Variants in HKDC1 observed in about 807,000 individuals in gnomAD.
HKDC1 encodes hexokinase HKDC1.
In HKDC1, 66 loss-of-function variants were observed where a neutral mutation model predicts 96.6. The observed-to-expected ratio is 0.68, with a 90% CI of 0.56 to 0.84. The LOEUF is 0.84. Ranked by LOEUF, HKDC1 falls within the 40% of genes least tolerant of loss-of-function variation. The probability of loss-of-function intolerance (pLI) is 0.00; values close to 1 mark genes in which losing one functional copy is unlikely to be tolerated. For missense variants in HKDC1, 1,211 were observed against 1,208.1 expected (o/e 1.00, Z -0.04); for synonymous variants, 466 against 473.1 (o/e 0.98, Z 0.20).
chr10:69,248,325 C>A (rs865838107), intron 9 of HKDC1, 99 bp from the exon 10 acceptor site: 126 of 1,286,348 alleles, frequency 9.8e-5, no homozygotes, highest in Non-Finnish European at 1.5e-5. Context: ...AGCCCCGCCC[C>A]GCAGGGCCCT....
At chr10:69,228,183 G>T (rs937740586) in intron 2 of HKDC1, among the ~76,000 whole-genome samples, 1 of 152,068 alleles carries the variant, frequency 6.6e-6, no homozygotes, top group Non-Finnish European at 1.5e-5. Flanking sequence ...TTCCAGTTTC[G>T]AGAGGCCACC....
chr10:69,226,502 A>G (rs879647451), intron 1 of HKDC1, among the ~76,000 whole-genome samples: 3 of 152,068 alleles, frequency 2.0e-5, no homozygotes, highest in Non-Finnish European at 4.4e-5. Flanking sequence ...AAAATAAAAA[A>G]AAATTAGTCG....
At position 69,237,277 on chromosome 10, in the gene HKDC1, TTGTGTGTG is replaced by T. The variant is rs71035080; in HGVS notation, c.496-1731_496-1724del. Among the ~76,000 whole-genome samples, 1,409 of 145,682 alleles carry T rather than the reference TTGTGTGTG, an allele frequency of 9.7e-3. 15 individuals are homozygous for T. The highest frequency in any genetic ancestry group is 0.017 in the African/African-American group (699 of 39,964). On this transcript the variant is annotated intron_variant, in intron 4 of 17. Transcript: ENST00000354624. ...AAGTCTTAACCAAAGAGAAATTTCT[TTGTGTGTG>T]TGTGTGTGTGTGTGTGTGTGTGTGT...
chr10:69,263,902 T>C (rs978577645), intron 16 of HKDC1, among the ~76,000 whole-genome samples: 1 of 152,208 alleles, frequency 6.6e-6, no homozygotes, highest in African/African-American at 2.4e-5. Context: ...AAGCTACGTG[T>C]GGTGGCTCAT....
chr10:69,240,509 C>A (rs1170221256), intron 5 of HKDC1, 143 bp from the exon 6 acceptor site: 2 of 618,432 alleles, frequency 3.2e-6, no homozygotes, highest in African/African-American at 1.8e-5. Context: ...CTTGATGAGG[C>A]CTTGCTCCTT....
intron 13 of HKDC1, 83 bp downstream of exon 13, chr10:69,257,214 A>G (rs1843732185): frequency 2.1e-6 from 3 of 1,463,012 alleles, no homozygotes; most frequent in South Asian, 1.1e-5. Context: ...CCCAGTTCCT[A>G]TGACTCTGGC....
At chr10:69,261,685 G>T in intron 16 of HKDC1, 1 of 178,100 alleles carries the variant, frequency 5.6e-6, no homozygotes, top group Non-Finnish European at 1.2e-5. Flanking sequence ...AAAATATCCT[G>T]TTAGTGTTCT....
At chr10:69,256,066 T>C (rs1044185531) in intron 12 of HKDC1, among the ~76,000 whole-genome samples, 1 of 152,224 alleles carries the variant, frequency 6.6e-6, no homozygotes, top group Non-Finnish European at 1.5e-5. Flanking sequence ...AGAGCCACTG[T>C]TAACCCTTTT....
At position 69,251,087 on chromosome 10, in the gene HKDC1, CT is replaced by C. The variant is rs869084452; in HGVS notation, c.1836+459del. On this transcript the variant is annotated intron_variant, in intron 12 of 17. Coordinates refer to ENST00000354624, the MANE Select transcript of HKDC1 (RefSeq NM_025130.4). Reference sequence around the variant, plus strand: ...CCAGCACATCACAAGAAATACATTTCTTTTTTTTTTTTTTTTTTTTTTTTGA... The same window carrying C: ...CCAGCACATCACAAGAAATACATTTCTTTTTTTTTTTTTTTTTTTTTTTGA... 9.5e-3 allele frequency among the ~76,000 whole-genome samples: 880 copies of C among 92,692 alleles called. 4 individuals carry two copies. The highest frequency in any genetic ancestry group is 0.03 in the African/African-American group (699 of 23,664). The allele number at this position is 92,692 out of a possible 152,430, so 60.8% of individuals were successfully genotyped here.
chr10:69,257,067 A>G lies in HKDC1; in HGVS notation c.1868A>G (p.Lys623Arg), dbSNP rs1183656688. ...CTCATAGGGTGGACCAAAGGTTTCA[A>G]GGCCACTGACTGTGAAGGGGAGGAC... ...GTLIGWTKGFKATDCEGEDVV... is the reference protein window; with the variant it reads ...GTLIGWTKGFRATDCEGEDVV... Residue 623 changes from lysine to arginine, a missense_variant, in exon 13 of 18, where the codon AAG becomes AGG. By Grantham distance (26) the Lys-to-Arg change is conservative. Transcript: ENST00000354624. 1.1e-5 allele frequency: 18 copies of G among 1,614,012 alleles called. No individual in the cohort carries two copies. In the Admixed American group the frequency reaches 2.7e-4, roughly 24 times the overall value.
At chr10:69,223,379 A>C (rs1298894805) in intron 1 of HKDC1, among the ~76,000 whole-genome samples, 1 of 152,192 alleles carries the variant, frequency 6.6e-6, no homozygotes, top group African/African-American at 2.4e-5. Flanking sequence ...AGGTACATAC[A>C]GTTCTGAACT....
At chr10:69,239,287 T>A (rs1253412087) in intron 5 of HKDC1, 150 bp downstream of exon 5, 5 of 589,832 alleles carry the variant, frequency 8.5e-6, no homozygotes, top group Non-Finnish European at 1.5e-5. Flanking sequence ...AAGGTCCCAC[T>A]GTAGTACAGA....
intron 12 of HKDC1, among the ~76,000 whole-genome samples, chr10:69,251,439 T>C (rs1843642360): frequency 6.6e-6 from 1 of 152,110 alleles, no homozygotes; most frequent in Admixed American, 6.6e-5. Flanking sequence ...TTCTCTTTCT[T>C]CTTATTCAAG....
chr10:69,256,077 G>A (rs1255081787), intron 12 of HKDC1, among the ~76,000 whole-genome samples: 1 of 152,074 alleles, frequency 6.6e-6, no homozygotes, highest in African/African-American at 2.4e-5. Flanking sequence ...TAACCCTTTT[G>A]GTGTATATAT....
chr10:69,231,873 T>C (rs1424756954), intron 2 of HKDC1, among the ~76,000 whole-genome samples: 1 of 152,192 alleles, frequency 6.6e-6, no homozygotes, highest in East Asian at 1.9e-4. Flanking sequence ...TGCATAGGAT[T>C]AACTCCCTGA....
At position 69,258,913 on chromosome 10, in the gene HKDC1, T is replaced by A. The variant is rs1843763174; in HGVS notation, c.2170T>A (p.Tyr724Asn). 2.5e-6 allele frequency: 4 copies of A among 1,605,628 alleles called. No individual in the cohort carries two copies. Among genetic ancestry groups the A allele is most frequent in the East Asian group, 2.2e-5 (1 of 44,698 alleles). ...CTGCATAGATGACATCTGGACCCGA[T>A]ACGACACGGAGGTGGATGAGGGGTC... is the stretch of plus-strand genomic sequence containing the variant. ...NGCIDDIWTR[Y>N]DTEVDEGSLN... Residue 724 changes from tyrosine (Y) to asparagine (N), a missense_variant, in exon 15 of 18, where the codon TAC (tyrosine) becomes AAC (asparagine). By Grantham distance (143) the Tyr-to-Asn change is moderately radical (BLOSUM62 -2). Coordinates refer to ENST00000354624, the MANE Select transcript of HKDC1 (RefSeq NM_025130.4).
At chr10:69,261,569 C>T in intron 16 of HKDC1, 1 of 325,424 alleles carries the variant, frequency 3.1e-6, no homozygotes, top group Non-Finnish European at 5.7e-6. Context: ...ATCAGTTCAT[C>T]TATAAATATT....
intron 2 of HKDC1, among the ~76,000 whole-genome samples, chr10:69,231,496 G>A (rs1207338533): frequency 6.6e-6 from 1 of 151,960 alleles, no homozygotes; most frequent in Non-Finnish European, 1.5e-5. Context: ...CCCCGCTCCC[G>A]GCAGCCTGGC....
intron 12 of HKDC1, among the ~76,000 whole-genome samples, chr10:69,254,980 A>T (rs1360614184): frequency 6.6e-6 from 1 of 152,210 alleles, no homozygotes; most frequent in Non-Finnish European, 1.5e-5. Context: ...TAACATTTTA[A>T]TTTTTTACAC....
Sources: allele counts gnomAD v4.1 joint callset (sites outside exome capture counted in the v4.1 genomes callset), GRCh38; gene constraint gnomAD v4.1.1; transcripts MANE v1.5; gene names NCBI Gene and HGNC (gene_info 2026-07-23, HGNC 2026-07-21).